CACNA1C: variants seen among roughly 807,000 people sequenced by gnomAD.
The protein encoded by CACNA1C is voltage-dependent L-type calcium channel subunit alpha-1C.
A neutral mutation model predicts 229.0 loss-of-function variants in CACNA1C; 30 were observed. That is an observed-to-expected ratio of 0.13 (90% CI 0.10 to 0.18). The LOEUF (loss-of-function observed/expected upper bound fraction) is 0.18, where lower values mean the gene tolerates loss of function less well. CACNA1C is among the 10% of genes least tolerant of loss of function. The pLI, the probability that CACNA1C is intolerant of heterozygous loss-of-function variation, is 1.00. For synonymous variants in CACNA1C, 1,114 were observed against 1,132.5 expected (o/e 0.98, Z 0.33); for missense variants, 1,658 against 2,845.0 (o/e 0.58, Z 9.49).
intron 18 of CACNA1C, among the ~76,000 whole-genome samples, chr12:2,590,523 C>T (rs1468114536): frequency 6.6e-6 from 1 of 152,184 alleles, no homozygotes; most frequent in Non-Finnish European, 1.5e-5. Context: ...TGCTAAGCAT[C>T]ACGTGCTGTC....
At position 2,602,587 on chromosome 12, in the gene CACNA1C, ATGTG is replaced by A. The variant is rs2073090663; in HGVS notation, c.2960+630_2960+633del. Among the ~76,000 whole-genome samples the A allele has an allele frequency of 6.6e-6, 1 of 150,662 alleles. No individual in the cohort carries two copies. The highest frequency in any genetic ancestry group is 6.6e-5 in the Admixed American group (1 of 15,124). On this transcript the variant is annotated intron_variant, in intron 22 of 46. Coordinates refer to ENST00000399655, the MANE Select transcript of CACNA1C (RefSeq NM_000719.7). The surrounding 1 kb of genome is among the most constrained non-coding windows in gnomAD (Gnocchi z 4.4). ...TATATGTGTATGTATGTGCATATGT[ATGTG>A]TGAGTGCATGTATGTGTGTGACTGT...
chr12:2,255,602 G>C (rs368432668), intron 3 of CACNA1C, among the ~76,000 whole-genome samples: 21 of 152,348 alleles, frequency 1.4e-4, no homozygotes, highest in East Asian at 1.2e-3. Context: ...AGTTTACTAA[G>C]TGTGTGACAG....
At chr12:2,258,511 C>T (rs904879996) in intron 3 of CACNA1C, among the ~76,000 whole-genome samples, 10 of 152,054 alleles carry the variant, frequency 6.6e-5, no homozygotes, top group South Asian at 6.2e-4. Context: ...ATATCATCGT[C>T]TTTGGAGGAC....
At chr12:2,122,269 A>T (rs1207566458) in intron 3 of CACNA1C, among the ~76,000 whole-genome samples, 3 of 152,174 alleles carry the variant, frequency 2.0e-5, no homozygotes, top group African/African-American at 7.2e-5. Flanking sequence ...GTGTAACTTT[A>T]CCAAACATCA....
At chr12:2,436,307 G>A (rs542800137) in intron 3 of CACNA1C, among the ~76,000 whole-genome samples, 21 of 152,316 alleles carry the variant, frequency 1.4e-4, no homozygotes, top group South Asian at 4.1e-4. Context: ...ACCACTAGGC[G>A]GGGAAATATT....
chr12:2,676,776 G>A (rs980051446), intron 39 of CACNA1C: 5 of 189,694 alleles, frequency 2.6e-5, no homozygotes, highest in Non-Finnish European at 4.4e-5. Flanking sequence ...GCTACCTTTT[G>A]CATAAAAAAA....
chr12:2,678,614 G>A lies in CACNA1C; in HGVS notation c.5091+747G>A, dbSNP rs2096944946. Among the ~76,000 whole-genome samples, 1 of 152,196 alleles carries A rather than the reference G, an allele frequency of 6.6e-6. No individual in the cohort carries two copies. Among genetic ancestry groups the A allele is most frequent in the African/African-American group, 2.4e-5 (1 of 41,436 alleles). ...TCCCGGCCGCGGGCCCAGTTCCCAG[G>A]CTGTGGAACACACAGGGGGCAAGCT... On this transcript the variant is annotated intron_variant, in intron 41 of 46. Coordinates refer to ENST00000399655, the MANE Select transcript of CACNA1C (RefSeq NM_000719.7). This position sits in a 1 kb window ranked among gnomAD's most constrained non-coding sequence, Gnocchi z 4.1.
chr12:2,244,610 G>C (rs1312982718), intron 3 of CACNA1C, among the ~76,000 whole-genome samples: 1 of 152,178 alleles, frequency 6.6e-6, no homozygotes, highest in African/African-American at 2.4e-5. Context: ...TGCCGTGTAG[G>C]GCATGAGGGG....
At chr12:2,599,135 G>A (rs913558697) in intron 21 of CACNA1C, among the ~76,000 whole-genome samples, 19 of 152,118 alleles carry the variant, frequency 1.2e-4, no homozygotes, top group Admixed American at 3.3e-4. Flanking sequence ...TTTCTCCTTC[G>A]GGATTGCCAT....
intron 21 of CACNA1C, among the ~76,000 whole-genome samples, chr12:2,600,479 C>A (rs879779931): frequency 6.6e-6 from 1 of 152,230 alleles, no homozygotes; most frequent in Non-Finnish European, 1.5e-5. Context: ...AACTGGACCC[C>A]AGATGACCGG....
chr12:2,634,195 T>TTTCC (rs2091869477), intron 29 of CACNA1C, 102 bp from the exon 30 acceptor site: 1 of 5,096 alleles, frequency 2.0e-4, no homozygotes, highest in Non-Finnish European at 6.6e-4. Context: ...TTTCCATACC[T>TTTCC]TTTTTTTTTT....
At chr12:2,289,638 G>A (rs758232929) in intron 3 of CACNA1C, among the ~76,000 whole-genome samples, 3 of 151,882 alleles carry the variant, frequency 2.0e-5, no homozygotes, top group African/African-American at 7.3e-5. Flanking sequence ...AAGGCACGAC[G>A]CCCTCACCGA....
intron 3 of CACNA1C, among the ~76,000 whole-genome samples, chr12:2,345,973 A>G (rs983449569): frequency 6.6e-5 from 10 of 152,160 alleles, no homozygotes; most frequent in African/African-American, 2.2e-4. Flanking sequence ...TGAAACCCCC[A>G]TTAATCACCT....
intron 3 of CACNA1C, among the ~76,000 whole-genome samples, chr12:2,388,726 G>A (rs988157069): frequency 3.3e-5 from 5 of 151,974 alleles, no homozygotes; most frequent in Non-Finnish European, 7.4e-5. Flanking sequence ...TTGTGGAGTT[G>A]ACAGTGCCTA....
intron 1 of CACNA1C, among the ~76,000 whole-genome samples, chr12:2,070,959 C>T (rs1291804390): frequency 2.8e-5 from 4 of 140,428 alleles, no homozygotes; most frequent in African/African-American, 1.1e-4. Context: ...CCCTCCCTCC[C>T]TCCCTGCCTG....
chr12:2,351,131 ATTCT>A (rs2097190441), intron 3 of CACNA1C, among the ~76,000 whole-genome samples: 1 of 152,122 alleles, frequency 6.6e-6, no homozygotes, highest in African/African-American at 2.4e-5. Flanking sequence ...GGGATGGATA[ATTCT>A]TTCTTGTCTG....
intron 44 of CACNA1C, among the ~76,000 whole-genome samples, 157 bp downstream of exon 44, chr12:2,685,999 G>A (rs549004349): frequency 7.4e-4 from 112 of 152,318 alleles, no homozygotes; most frequent in African/African-American, 2.5e-3. Flanking sequence ...GGCAGGGTGT[G>A]CAGGGATGAG....
intron 5 of CACNA1C, among the ~76,000 whole-genome samples, chr12:2,471,747 A>G (rs1168081422): frequency 6.6e-6 from 1 of 152,082 alleles, no homozygotes; most frequent in Non-Finnish European, 1.5e-5. Flanking sequence ...CAGTGGCACA[A>G]TCTTGGCTCA....
chr12:2,273,537 CG>C (rs2086136158), intron 3 of CACNA1C, among the ~76,000 whole-genome samples: 1 of 152,064 alleles, frequency 6.6e-6, no homozygotes, highest in Admixed American at 6.6e-5. Flanking sequence ...ACCAGCAGGA[CG>C]GCCAGAACCA....
Sources: gnomAD v4.1 joint callset for allele counts (sites outside exome capture counted in the v4.1 genomes callset) on GRCh38, gnomAD v4.1.1 for gene constraint, Gnocchi (gnomAD v3.1) non-coding constraint, MANE v1.5 for transcripts, NCBI Gene and HGNC (gene_info 2026-07-23, HGNC 2026-07-21) for gene names.